RTN1: variants seen among roughly 807,000 people sequenced by gnomAD.
The protein encoded by RTN1 is reticulon-1.
A neutral mutation model predicts 65.5 loss-of-function variants in RTN1; 25 were observed. That is an observed-to-expected ratio of 0.38 (90% CI 0.28 to 0.53). RTN1 has a LOEUF of 0.53. Among genes scored for constraint, RTN1 ranks in the 20% least tolerant of loss-of-function variants. RTN1 has a pLI of 0.79. For missense variants in RTN1, 983 were observed against 1,025.4 expected (o/e 0.96, Z 0.57); for synonymous variants, 471 against 447.6 (o/e 1.05, Z -0.66).
chr14:59,736,779 T>C (rs1242712756), intron 2 of RTN1, among the ~76,000 whole-genome samples: 1 of 152,152 alleles, frequency 6.6e-6, no homozygotes, highest in Non-Finnish European at 1.5e-5. Context: ...TAATCCTCAA[T>C]AAAATACTGG....
At chr14:59,597,511 G>A (rs1881439321) in intron 8 of RTN1, among the ~76,000 whole-genome samples, 1 of 152,222 alleles carries the variant, frequency 6.6e-6, no homozygotes, top group Admixed American at 6.5e-5. Context: ...GATTTTGATT[G>A]AGACCTCCCT....
At chr14:59,775,130 T>C (rs954372206) in intron 1 of RTN1, among the ~76,000 whole-genome samples, 1 of 152,144 alleles carries the variant, frequency 6.6e-6, no homozygotes, top group African/African-American at 2.4e-5. Flanking sequence ...ATAAGTTCCA[T>C]CTCTAGACTG....
At chr14:59,715,523 G>A (rs1372104698) in intron 3 of RTN1, among the ~76,000 whole-genome samples, 1 of 152,130 alleles carries the variant, frequency 6.6e-6, no homozygotes. Context: ...CTAAGAAAGG[G>A]CATTACAAAT....
At chr14:59,775,266 G>A (rs1268641930) in intron 1 of RTN1, among the ~76,000 whole-genome samples, 1 of 152,082 alleles carries the variant, frequency 6.6e-6, no homozygotes, top group Non-Finnish European at 1.5e-5. Flanking sequence ...AAGGACCCTG[G>A]GTCCCTGAAT....
At chr14:59,728,249 C>A (rs1247842413) in intron 2 of RTN1, among the ~76,000 whole-genome samples, 2 of 124,198 alleles carry the variant, frequency 1.6e-5, no homozygotes, top group Non-Finnish European at 1.7e-5. Context: ...GAATCAGTAT[C>A]TTTTTTTTTT....
rs374878326 is a variant in RTN1 at position 59,749,993 on chromosome 14, A to ATATATTATATATTATATACATATAT, written c.242-3513_242-3512insATATATGTATATAATATATAATATA. On this transcript the variant is annotated intron_variant, in intron 1 of 8. Transcript: ENST00000267484. The stretch of plus-strand genomic sequence containing the variant: ...TATACATATATTATATATTATATAC[A>ATATATTATATATTATATACATATAT]TATATATTATATACATATATATTAT... Among the ~76,000 whole-genome samples, 13 of 69,586 alleles carry ATATATTATATATTATATACATATAT rather than the reference A, an allele frequency of 1.9e-4. 1 individual carries two copies. Among genetic ancestry groups the ATATATTATATATTATATACATATAT allele is most frequent in the Non-Finnish European group, 2.8e-4 (12 of 42,516 alleles). 45.7% of individuals were successfully genotyped at this position (69,586 alleles called of 152,430 possible). A position where few individuals can be genotyped will look rare whatever the true frequency, so the allele number is the denominator to read the frequency against.
chr14:59,788,659 A>G (rs1202616395), intron 1 of RTN1, among the ~76,000 whole-genome samples: 3 of 152,174 alleles, frequency 2.0e-5, no homozygotes, highest in South Asian at 2.1e-4. Flanking sequence ...TAAATACCCA[A>G]TGTTTATATG....
chr14:59,731,659 C>T lies in RTN1; in HGVS notation c.1016-3991G>A, dbSNP rs549793734. Among the ~76,000 whole-genome samples, 7 of 152,310 alleles carry T rather than the reference C, an allele frequency of 4.6e-5. No individual in the cohort carries two copies. In the South Asian group the frequency reaches 1.5e-3, roughly 32 times the overall value. On this transcript the variant is annotated intron_variant, in intron 2 of 8. Transcript: ENST00000267484. ...CATTTCACTCTGGATTGTACCCTTA[C>T]TGCTTGCCTCAGTTCACTGGCAACT... is the stretch of plus-strand genomic sequence containing the variant.
intron 2 of RTN1, among the ~76,000 whole-genome samples, chr14:59,742,512 G>A (rs1320714412): frequency 3.3e-5 from 5 of 152,134 alleles, no homozygotes; most frequent in African/African-American, 1.2e-4. Context: ...AAATAGGTAA[G>A]TATGTTGGAG....
At chr14:59,851,094 T>G (rs887510621) in intron 1 of RTN1, among the ~76,000 whole-genome samples, 2 of 152,194 alleles carry the variant, frequency 1.3e-5, no homozygotes, top group Non-Finnish European at 2.9e-5. Context: ...ATGTACCAAC[T>G]TTCCCTTTTC....
At chr14:59,821,212 G>A (rs956751572) in intron 1 of RTN1, among the ~76,000 whole-genome samples, 1 of 152,120 alleles carries the variant, frequency 6.6e-6, no homozygotes, top group Non-Finnish European at 1.5e-5. Context: ...AGTTCTCACT[G>A]TAAAGATCTT....
At chr14:59,792,875 T>A (rs1957982) in intron 1 of RTN1, among the ~76,000 whole-genome samples, 1 of 152,140 alleles carries the variant, frequency 6.6e-6, no homozygotes, top group East Asian at 1.9e-4. Context: ...TTTTTTGTGT[T>A]TGCGGCCCTC....
intron 3 of RTN1, among the ~76,000 whole-genome samples, chr14:59,678,127 A>AC (rs1175523767): frequency 6.6e-6 from 1 of 152,134 alleles, no homozygotes. Flanking sequence ...CGTCATATAA[A>AC]CCCTGGAAAA....
At position 59,628,336 on chromosome 14, in the gene RTN1, G is replaced by A. The variant is rs149350288; in HGVS notation, c.1766-20844C>T. On this transcript the variant is annotated intron_variant, in intron 3 of 8. Coordinates refer to ENST00000267484, the MANE Select transcript of RTN1 (RefSeq NM_021136.3). ...TAAAGCTTCCCAGGTGATTCTAATG[G>A]GCAGACAGGGTTAAGCACAACTGTT... 5.9e-3 allele frequency among the ~76,000 whole-genome samples: 902 copies of A among 152,158 alleles called. 10 individuals are homozygous for A. The highest frequency in any genetic ancestry group is 0.021 in the African/African-American group (862 of 41,492).
chr14:59,835,146 T>A (rs1887191962), intron 1 of RTN1, among the ~76,000 whole-genome samples: 1 of 151,886 alleles, frequency 6.6e-6, no homozygotes, highest in Non-Finnish European at 1.5e-5. Flanking sequence ...GATGTATCCA[T>A]ACAATGCAGT....
At chr14:59,776,799 C>T (rs1886059881) in intron 1 of RTN1, among the ~76,000 whole-genome samples, 1 of 152,056 alleles carries the variant, frequency 6.6e-6, no homozygotes, top group African/African-American at 2.4e-5. Flanking sequence ...CGTAAAAAAC[C>T]TATTTTACCA....
intron 1 of RTN1, among the ~76,000 whole-genome samples, chr14:59,759,938 G>T (rs776827025): frequency 6.6e-6 from 1 of 152,178 alleles, no homozygotes; most frequent in Non-Finnish European, 1.5e-5. Context: ...ACCCCAATGG[G>T]AGGCAATTTG....
At chr14:59,802,920 C>G (rs186153017) in intron 1 of RTN1, among the ~76,000 whole-genome samples, 1 of 152,128 alleles carries the variant, frequency 6.6e-6, no homozygotes, top group African/African-American at 2.4e-5. Flanking sequence ...GTAAATACCT[C>G]CTAGAAGAGA....
chr14:59,674,124 G>T (rs1221034813), intron 3 of RTN1, among the ~76,000 whole-genome samples: 1 of 152,074 alleles, frequency 6.6e-6, no homozygotes, highest in African/African-American at 2.4e-5. Flanking sequence ...AGTTTTCAAT[G>T]TCCCTGTTTT....
Sources: gnomAD v4.1 joint callset for allele counts (sites outside exome capture counted in the v4.1 genomes callset) on GRCh38, gnomAD v4.1.1 for gene constraint, MANE v1.5 for transcripts, NCBI Gene and HGNC (gene_info 2026-07-23, HGNC 2026-07-21) for gene names.